Variants in ANO2 observed in about 807,000 individuals in gnomAD.
ANO2 encodes the protein anoctamin 2.
ANO2 carries 101 observed loss-of-function variants against 124.2 expected under a neutral mutation model. That is an observed-to-expected ratio of 0.81 (90% CI 0.69 to 0.96). The LOEUF is 0.96. Ranked by LOEUF, ANO2 falls within the 40% of genes least tolerant of loss-of-function variation. The pLI, the probability that ANO2 is intolerant of heterozygous loss-of-function variation, is 0.00. For missense variants in ANO2, 1,293 were observed against 1,274.5 expected, an observed-to-expected ratio of 1.01 and a Z score of -0.22; for synonymous variants, 486 against 482.5, an observed-to-expected ratio of 1.01 and a Z score of -0.09.
Position 5,658,841 on chromosome 12 carries a change from T to C in ANO2, c.1546-11040A>G, listed in dbSNP as rs1180397309. On this transcript the variant is annotated intron_variant, in intron 14 of 24. Transcript: ENST00000682330. This position sits in a 1 kb window ranked among gnomAD's most constrained non-coding sequence, Gnocchi z 4.3. Reference sequence around the variant, plus strand: ...ATCATTAAATCATCAGCAGCATCAATATTATCCTTGTCATCAATATCATCA... The same window carrying C: ...ATCATTAAATCATCAGCAGCATCAACATTATCCTTGTCATCAATATCATCA... Among the ~76,000 whole-genome samples, 1 of 152,148 alleles carries C rather than the reference T, an allele frequency of 6.6e-6. No individual in the cohort carries two copies. The highest frequency in any genetic ancestry group is 1.5e-5 in the Non-Finnish European group (1 of 68,026).
At chr12:5,853,359 C>G (rs1954983001) in intron 4 of ANO2, among the ~76,000 whole-genome samples, 2 of 151,628 alleles carry the variant, frequency 1.3e-5, no homozygotes, top group East Asian at 1.9e-4. Flanking sequence ...AAAAAAACTA[C>G]CTCAAACATC....
chr12:5,857,380 G>A (rs1448653017), intron 3 of ANO2, among the ~76,000 whole-genome samples: 1 of 152,082 alleles, frequency 6.6e-6, no homozygotes, highest in African/African-American at 2.4e-5. Context: ...TTTCCTTTGG[G>A]TACATACCCA....
intron 16 of ANO2, among the ~76,000 whole-genome samples, chr12:5,626,923 A>G (rs1452819326): frequency 6.6e-6 from 1 of 152,198 alleles, no homozygotes; most frequent in Non-Finnish European, 1.5e-5. Flanking sequence ...GGGCTCCTAG[A>G]AAATCCAAAG....
chr12:5,631,706 G>A (rs372229366), intron 16 of ANO2, among the ~76,000 whole-genome samples: 1 of 152,208 alleles, frequency 6.6e-6, no homozygotes, highest in Non-Finnish European at 1.5e-5. Context: ...GGGTCACTGA[G>A]GTCGTTTTGG....
chr12:5,916,490 GTT>G (rs1491396907), intron 3 of ANO2, among the ~76,000 whole-genome samples: 1 of 74,796 alleles, frequency 1.3e-5, no homozygotes, highest in Admixed American at 1.3e-4. Context: ...ATCGCAGCAG[GTT>G]AAAAAAAAAA....
chr12:5,815,251 T>C (rs1311416800), intron 7 of ANO2, among the ~76,000 whole-genome samples: 1 of 152,222 alleles, frequency 6.6e-6, no homozygotes, highest in African/African-American at 2.4e-5. Flanking sequence ...TCTAATGAGC[T>C]TGTTTTTCCA....
At position 5,636,900 on chromosome 12, in the gene ANO2, G is replaced by C. The variant is rs1420134597; in HGVS notation, c.1621-1553C>G. Among the ~76,000 whole-genome samples the C allele has an allele frequency of 6.6e-6, 1 of 152,134 alleles. No homozygotes were observed. The highest frequency in any genetic ancestry group is 1.5e-5 in the Non-Finnish European group (1 of 68,026). ...TCCTGGTAGGCTTCAAAAAATACCA[G>C]TAATTGCCCTATGGGCCGTGTTGTG... On this transcript the variant is annotated intron_variant, in intron 15 of 24. Transcript: ENST00000682330. The surrounding 1 kb of genome is among the most constrained non-coding windows in gnomAD (Gnocchi z 4.6).
chr12:5,759,340 C>A (rs1353696289), intron 10 of ANO2, among the ~76,000 whole-genome samples: 1 of 152,010 alleles, frequency 6.6e-6, no homozygotes, highest in Non-Finnish European at 1.5e-5. Context: ...AACAGAAGAT[C>A]AAAGTCATTA....
chr12:5,923,215 T>TAC (rs58894851), intron 1 of ANO2, among the ~76,000 whole-genome samples: 6 of 58,698 alleles, frequency 1.0e-4, no homozygotes, highest in African/African-American at 1.7e-4. Context: ...CACACCCACA[T>TAC]ACACACACAC....
At position 5,737,959 on chromosome 12, in the gene ANO2, G is replaced by A. The variant is rs548442470; in HGVS notation, c.1434+1358C>T. ...ATAGTATTAGCCTCAGGGTATATGCGAAATACCTAGGACTAGAGTAGAGTG... is the reference window on the plus strand; with the variant it reads ...ATAGTATTAGCCTCAGGGTATATGCAAAATACCTAGGACTAGAGTAGAGTG... On this transcript the variant is annotated intron_variant, in intron 13 of 24. Transcript: ENST00000682330. Among the ~76,000 whole-genome samples, 9 of 152,186 alleles carry A rather than the reference G, an allele frequency of 5.9e-5. No homozygotes were observed. In the East Asian group the frequency reaches 7.7e-4, roughly 13 times the overall value.
chr12:5,599,545 C>T lies in ANO2; in HGVS notation c.2172G>A (p.Gln724=). 1 of 1,613,940 alleles carries T rather than the reference C, an allele frequency of 6.2e-7. No individual in the cohort carries two copies. Among genetic ancestry groups the T allele is most frequent in the Non-Finnish European group, 8.5e-7 (1 of 1,179,876 alleles). Residue 724 remains glutamine, a synonymous_variant, in exon 20 of 25, where the codon CAG becomes CAA. Coordinates refer to ENST00000682330, the MANE Select transcript of ANO2 (RefSeq NM_001364791.2). ...GTTCCAAGCTGTAGTCTAGGTCCCA[C>T]TGCTCTGGATGTTTCGAATGGGCAG... The part of the protein sequence containing the change: ...TDSAHSKHPE[Q]WDLDYSLEPY...
intron 3 of ANO2, among the ~76,000 whole-genome samples, chr12:5,864,553 A>C (rs1955368004): frequency 6.6e-6 from 1 of 152,212 alleles, no homozygotes; most frequent in African/African-American, 2.4e-5. Flanking sequence ...AACTCTCAGC[A>C]ATGGGTGTGC....
chr12:5,854,178 G>T (rs773641370), intron 3 of ANO2, 37 bp from the exon 4 acceptor site: 3 of 1,574,860 alleles, frequency 1.9e-6, no homozygotes, highest in Non-Finnish European at 2.6e-6. Flanking sequence ...GGAAACACTT[G>T]TAAGGACATA....
Position 5,930,461 on chromosome 12 carries a change from G to A in ANO2, c.23-7657C>T, listed in dbSNP as rs144898361. Among the ~76,000 whole-genome samples the A allele has an allele frequency of 2.8e-3, 432 of 152,162 alleles. 1 individual carries two copies. The highest frequency in any genetic ancestry group is 9.9e-3 in the African/African-American group (413 of 41,508). On this transcript the variant is annotated intron_variant, in intron 1 of 24. Coordinates refer to ENST00000682330, the MANE Select transcript of ANO2 (RefSeq NM_001364791.2). ...TGAAGTGGTCCAGACGGGTAGGTGC[G>A]GACTCGATCAGGAAAGACCCTGTAT...
At chr12:5,827,281 G>A (rs1011658084) in intron 7 of ANO2, among the ~76,000 whole-genome samples, 1 of 152,204 alleles carries the variant, frequency 6.6e-6, no homozygotes, top group Non-Finnish European at 1.5e-5. Context: ...TGAGAAGAAT[G>A]CTGAAGTTAG....
chr12:5,687,870 A>T lies in ANO2; in HGVS notation c.1546-40069T>A, dbSNP rs539615070. Among the ~76,000 whole-genome samples the T allele has an allele frequency of 4.6e-5, 7 of 151,234 alleles. No individual in the cohort carries two copies. In the South Asian group the frequency reaches 1.5e-3, roughly 32 times the overall value. ...CAGCAAATACAGGACTGCCAAAACA[A>T]CAACAACAACACCAGGAGGTCAGGT... is the stretch of plus-strand genomic sequence containing the variant. On this transcript the variant is annotated intron_variant, in intron 14 of 24. Transcript: ENST00000682330.
intron 14 of ANO2, among the ~76,000 whole-genome samples, chr12:5,684,097 G>T (rs1265759486): frequency 6.6e-6 from 1 of 152,130 alleles, no homozygotes; most frequent in African/African-American, 2.4e-5. Flanking sequence ...GCATAGGCAG[G>T]CCAAGTATAT....
At chr12:5,686,287 A>C (rs1180955216) in intron 14 of ANO2, among the ~76,000 whole-genome samples, 1 of 151,952 alleles carries the variant, frequency 6.6e-6, no homozygotes, top group African/African-American at 2.4e-5. Context: ...TCTTTCTTTA[A>C]CCCCTATTTT....
At chr12:5,775,440 T>A (rs1418601715) in intron 10 of ANO2, among the ~76,000 whole-genome samples, 1 of 150,682 alleles carries the variant, frequency 6.6e-6, no homozygotes, top group Non-Finnish European at 1.5e-5. Flanking sequence ...TCAAGATGCA[T>A]CCTCCTGAGC....
Sources: gnomAD v4.1 joint callset for allele counts (sites outside exome capture counted in the v4.1 genomes callset) on GRCh38, gnomAD v4.1.1 for gene constraint, Gnocchi (gnomAD v3.1) non-coding constraint, MANE v1.5 for transcripts, NCBI Gene and HGNC (gene_info 2026-07-23, HGNC 2026-07-21) for gene names.